Variants in XKR4 observed in about 807,000 individuals in gnomAD.
XKR4 encodes XK-related protein 4.
XKR4 carries 12 observed loss-of-function variants against 53.9 expected under a neutral mutation model. The observed-to-expected ratio is 0.22, with a 90% CI of 0.14 to 0.36. XKR4 has a LOEUF of 0.36. XKR4 is among the 10% of genes least tolerant of loss of function. The pLI is 1.00. For missense variants in XKR4, 799 were observed against 859.5 expected (o/e 0.93, Z 0.88); for synonymous variants, 354 against 362.4 (o/e 0.98, Z 0.26).
intron 1 of XKR4, among the ~76,000 whole-genome samples, chr8:55,206,190 G>GGAAGGGGGCC (rs1817647445): frequency 6.6e-6 from 1 of 152,190 alleles, no homozygotes; most frequent in Admixed American, 6.5e-5. Flanking sequence ...TCCACACCAT[G>GGAAGGGGGCC]GAAGGGGGCC....
intron 2 of XKR4, among the ~76,000 whole-genome samples, chr8:55,498,503 G>A (rs1276621219): frequency 6.6e-6 from 1 of 152,216 alleles, no homozygotes; most frequent in Non-Finnish European, 1.5e-5. Flanking sequence ...TGCAGGGCCG[G>A]GCACAGTGGC....
At chr8:55,343,665 T>C (rs964175568) in intron 1 of XKR4, among the ~76,000 whole-genome samples, 7 of 152,180 alleles carry the variant, frequency 4.6e-5, no homozygotes, top group Non-Finnish European at 8.8e-5. Context: ...GAAGGGGCAT[T>C]GCTGCTTTCA....
intron 2 of XKR4, among the ~76,000 whole-genome samples, chr8:55,507,810 C>T (rs7823127): frequency 2.5e-4 from 38 of 152,106 alleles, no homozygotes; most frequent in African/African-American, 8.0e-4. Flanking sequence ...AATAAACATA[C>T]GTGTGCATGT....
At chr8:55,384,094 A>C (rs1804273823) in intron 2 of XKR4, among the ~76,000 whole-genome samples, 1 of 152,234 alleles carries the variant, frequency 6.6e-6, no homozygotes, top group Non-Finnish European at 1.5e-5. Context: ...AAAGGGAGAC[A>C]CTAGAGGTGA....
At chr8:55,442,923 T>C (rs1805290980) in intron 2 of XKR4, among the ~76,000 whole-genome samples, 2 of 152,162 alleles carry the variant, frequency 1.3e-5, no homozygotes, top group South Asian at 4.1e-4. Context: ...ACACTTTAAA[T>C]AGGTGAATGT....
intron 2 of XKR4, among the ~76,000 whole-genome samples, chr8:55,482,688 ACT>A (rs1806129776): frequency 6.6e-6 from 1 of 152,064 alleles, no homozygotes; most frequent in African/African-American, 2.4e-5. Flanking sequence ...ATTGAACTAA[ACT>A]CTTTGAACTT....
chr8:55,332,087 G>A (rs7825437), intron 1 of XKR4, among the ~76,000 whole-genome samples: 3,044 of 151,838 alleles, frequency 0.02, 95 homozygotes, highest in African/African-American at 0.069. Flanking sequence ...TCACCTTCTC[G>A]TTTCCTTTTG....
chr8:55,268,101 T>C (rs1045668117), intron 1 of XKR4, among the ~76,000 whole-genome samples: 18 of 152,184 alleles, frequency 1.2e-4, no homozygotes, highest in Admixed American at 1.2e-3. Context: ...TAATGGATAA[T>C]ATATAATTAT....
At chr8:55,447,248 A>T (rs1293698197) in intron 2 of XKR4, among the ~76,000 whole-genome samples, 2 of 152,358 alleles carry the variant, frequency 1.3e-5, no homozygotes, top group East Asian at 3.9e-4. Context: ...ATTAGAAACC[A>T]TTCTATGTGG....
chr8:55,129,950 T>C (rs1391924575), intron 1 of XKR4, among the ~76,000 whole-genome samples: 1 of 152,084 alleles, frequency 6.6e-6, no homozygotes, highest in African/African-American at 2.4e-5. Context: ...GGGATTGCTG[T>C]CCATCTGGTC....
chr8:55,270,535 G>A (rs948435056), intron 1 of XKR4, among the ~76,000 whole-genome samples: 5 of 152,114 alleles, frequency 3.3e-5, no homozygotes, highest in East Asian at 1.9e-4. Flanking sequence ...TCTCACAAAG[G>A]GCACCATGTG....
At chr8:55,296,301 C>T (rs1585993936) in intron 1 of XKR4, among the ~76,000 whole-genome samples, 1 of 152,126 alleles carries the variant, frequency 6.6e-6, no homozygotes, top group East Asian at 1.9e-4. Flanking sequence ...GTCACACAGC[C>T]ACCCTCAGCT....
chr8:55,488,496 C>T (rs1806226209), intron 2 of XKR4, among the ~76,000 whole-genome samples: 2 of 152,102 alleles, frequency 1.3e-5, no homozygotes, highest in Non-Finnish European at 2.9e-5. Flanking sequence ...GAATATTATT[C>T]AGCACTAAAA....
intron 1 of XKR4, among the ~76,000 whole-genome samples, chr8:55,239,293 G>A (rs952228878): frequency 2.0e-5 from 3 of 152,182 alleles, no homozygotes; most frequent in African/African-American, 7.2e-5. Flanking sequence ...TTGGTCACGG[G>A]TGATAGCTCA....
chr8:55,206,219 G>T (rs574138668), intron 1 of XKR4, among the ~76,000 whole-genome samples: 1 of 152,000 alleles, frequency 6.6e-6, no homozygotes, highest in African/African-American at 2.4e-5. Context: ...TTGCCACTGG[G>T]GCTGGGTGGC....
chr8:55,312,495 T>G (rs962492743), intron 1 of XKR4, among the ~76,000 whole-genome samples: 1 of 152,134 alleles, frequency 6.6e-6, no homozygotes, highest in Non-Finnish European at 1.5e-5. Context: ...ACCTCGGAGA[T>G]TCTTATCCTG....
chr8:55,475,711 C>T (rs1310338611), intron 2 of XKR4, among the ~76,000 whole-genome samples: 1 of 151,830 alleles, frequency 6.6e-6, no homozygotes, highest in Non-Finnish European at 1.5e-5. Flanking sequence ...TCAAACAGTT[C>T]TCTACCTCAG....
At chr8:55,375,597 C>G (rs1804133955) in intron 2 of XKR4, among the ~76,000 whole-genome samples, 1 of 152,176 alleles carries the variant, frequency 6.6e-6, no homozygotes, top group South Asian at 2.1e-4. Flanking sequence ...AATCTTCCAG[C>G]AAACAGCACT....
chr8:55,235,169 C>T (rs946053282), intron 1 of XKR4, among the ~76,000 whole-genome samples: 9 of 152,328 alleles, frequency 5.9e-5, no homozygotes, highest in African/African-American at 2.2e-4. Context: ...ATCACCCAGT[C>T]TCTGTCTCCA....
Sources: allele counts gnomAD v4.1 joint callset (sites outside exome capture counted in the v4.1 genomes callset), GRCh38; gene constraint gnomAD v4.1.1; transcripts MANE v1.5; gene names NCBI Gene and HGNC (gene_info 2026-07-23, HGNC 2026-07-21).